The following KLHL42 variants were observed in gnomAD, a reference collection of about 807,000 sequenced individuals.
KLHL42 encodes the protein kelch-like protein 42.
KLHL42 carries 27 observed loss-of-function variants against 32.7 expected under a neutral mutation model. The ratio of observed to expected loss-of-function variants is 0.83; its 90% confidence interval spans 0.61 to 1.14. The LOEUF (loss-of-function observed/expected upper bound fraction) is 1.14. Among genes scored for constraint, KLHL42 ranks in the 50% most tolerant of loss-of-function variants. KLHL42 has a pLI of 0.00. For missense variants in KLHL42, 491 were observed against 560.8 expected (o/e 0.88, Z 1.26); for synonymous variants, 267 against 248.2 (o/e 1.08, Z -0.71).
intron 2 of KLHL42, among the ~76,000 whole-genome samples, chr12:27,793,986 T>C (rs7960190): frequency 0.15 from 23,113 of 152,220 alleles, 2,260 homozygotes; most frequent in Non-Finnish European, 0.22. Flanking sequence ...CCTTCCACCA[T>C]ATCCAAATGT....
chr12:27,793,390 A>G (rs1337260520), intron 2 of KLHL42, among the ~76,000 whole-genome samples: 2 of 151,786 alleles, frequency 1.3e-5, no homozygotes, highest in Non-Finnish European at 2.9e-5. Flanking sequence ...TGAAAATAAA[A>G]AAATTAGCTG....
chr12:27,785,439 C>A (rs532153588), intron 1 of KLHL42, among the ~76,000 whole-genome samples: 1 of 152,190 alleles, frequency 6.6e-6, no homozygotes, highest in Admixed American at 6.5e-5. Context: ...GAACTCCTGG[C>A]CTCAGGTAAT....
intron 1 of KLHL42, among the ~76,000 whole-genome samples, chr12:27,786,322 C>T (rs1022741110): frequency 6.6e-6 from 1 of 152,154 alleles, no homozygotes; most frequent in African/African-American, 2.4e-5. Flanking sequence ...TGCCTCAGCT[C>T]CACGACAGCC....
chr12:27,793,229 A>G (rs2062204877), intron 2 of KLHL42, among the ~76,000 whole-genome samples: 1 of 151,790 alleles, frequency 6.6e-6, no homozygotes, highest in Admixed American at 6.6e-5. Flanking sequence ...CAACATAGCA[A>G]GACACCTTCT....
Position 27,780,311 on chromosome 12 carries a change from C to T in KLHL42, c.-20C>T. On this transcript the variant is annotated 5_prime_UTR_variant, in exon 1 of 3. Coordinates refer to ENST00000381271, the MANE Select transcript of KLHL42 (RefSeq NM_020782.2). The surrounding 1 kb of genome is among the most constrained non-coding windows in gnomAD (Gnocchi z 8.8). ...CGCGCAGATCTGGCGGTGAGCGCTG[C>T]CGCCCCGGGGCCCCCAGCCATGTCG... is the stretch of plus-strand genomic sequence containing the variant. 1.9e-6 allele frequency: 3 copies of T among 1,541,952 alleles called. No homozygotes were observed. The highest frequency in any genetic ancestry group is 2.7e-5 in the East Asian group (1 of 37,664).
rs760444269 is a variant in KLHL42 at position 27,780,546 on chromosome 12, C to G, written c.216C>G (p.Gly72=). Residue 72 remains glycine, a synonymous_variant, in exon 1 of 3, where the codon GGC becomes GGG. Transcript: ENST00000381271. This position sits in a 1 kb window ranked among gnomAD's most constrained non-coding sequence, Gnocchi z 8.8. ...TGGTGCTGGACTTCATCAACGCCGG[C>G]GGGGCCCGCGAAGGCTGGCTCCTGG... ...LRLVLDFINA[G]GAREGWLLGP... The G allele has an allele frequency of 3.3e-6, 5 of 1,525,432 alleles. No individual in the cohort carries two copies. In the South Asian group the frequency reaches 5.2e-5, roughly 16 times the overall value. The allele number at this position is 1,525,432 out of a possible 1,614,324, so 94.5% of individuals were successfully genotyped here.
In KLHL42 at chr12:27,801,078, G is replaced by A. The variant is rs2062245332; in HGVS notation, c.*2912G>A. The A allele has an allele frequency of 6.6e-6, 1 of 152,570 alleles. No individual in the cohort carries two copies. The highest frequency in any genetic ancestry group is 2.4e-5 in the African/African-American group (1 of 41,438). The allele number at this position is 152,570 out of a possible 1,614,324, so 9.5% of individuals were successfully genotyped here. On this transcript the variant is annotated 3_prime_UTR_variant, in exon 3 of 3. Coordinates refer to ENST00000381271, the MANE Select transcript of KLHL42 (RefSeq NM_020782.2). ...GGTTTTCTGATGAATGTGTGAAAGA[G>A]TTGATTATTTCAACAGTATTGGTTA... is the stretch of plus-strand genomic sequence containing the variant.
chr12:27,796,039 C>T (rs1370902985), intron 2 of KLHL42, among the ~76,000 whole-genome samples: 1 of 152,148 alleles, frequency 6.6e-6, no homozygotes, highest in African/African-American at 2.4e-5. Flanking sequence ...CCAAAATCCC[C>T]TTGGGCCATC....
At chr12:27,793,898 G>T in intron 2 of KLHL42, among the ~76,000 whole-genome samples, 1 of 152,222 alleles carries the variant, frequency 6.6e-6, no homozygotes, top group East Asian at 1.9e-4. Flanking sequence ...GACCCTGTGA[G>T]GCCGCAGCAG....
intron 1 of KLHL42, among the ~76,000 whole-genome samples, chr12:27,783,914 A>G (rs2062159958): frequency 6.6e-6 from 1 of 152,114 alleles, no homozygotes; most frequent in South Asian, 2.1e-4. Context: ...GCTGCGTGGC[A>G]TTCCAGCCTA....
chr12:27,797,387 T>C, intron 2 of KLHL42: 1 of 499,260 alleles, frequency 2.0e-6, no homozygotes, highest in Non-Finnish European at 3.9e-6. Flanking sequence ...CTGAGGCACT[T>C]ACTTTTTTTA....
Position 27,794,339 on chromosome 12 carries a change from C to T in KLHL42, c.1066+2438C>T, listed in dbSNP as rs1016119449. On this transcript the variant is annotated intron_variant, in intron 2 of 2. Transcript: ENST00000381271. ...TGGTGGCTCCATGATGCCCCTGCCT[C>T]TGTCTTCATATGATGCCCCTGCCTC... is the stretch of plus-strand genomic sequence containing the variant. Among the ~76,000 whole-genome samples, 4 of 152,160 alleles carry T rather than the reference C, an allele frequency of 2.6e-5. No homozygotes were observed. The East Asian group carries it at 7.7e-4, about 29-fold the overall frequency.
At chr12:27,795,406 C>T (rs1172301344) in intron 2 of KLHL42, among the ~76,000 whole-genome samples, 3 of 152,214 alleles carry the variant, frequency 2.0e-5, no homozygotes, top group Non-Finnish European at 4.4e-5. Flanking sequence ...GGGCCACCCA[C>T]CGTGATTTCT....
At position 27,780,619 on chromosome 12, in the gene KLHL42, G is replaced by C; in HGVS notation, c.289G>C (p.Asp97His). The C allele has an allele frequency of 6.4e-7, 1 of 1,561,204 alleles. No homozygotes were observed. Among genetic ancestry groups the C allele is most frequent in the Non-Finnish European group, 8.7e-7 (1 of 1,153,332 alleles). ...CGGGGTGGACGAGGACGAGGAGATG[G>C]ATGAGGTGAGCCTGCTGTCCGAGCT... Reference protein sequence around the residue: ...GGGVDEDEEMDEVSLLSELVE... With the variant: ...GGGVDEDEEMHEVSLLSELVE... The change falls in exon 1 of 3, where the codon GAT becomes CAT. Residue 97 changes from aspartate to histidine, a missense_variant. Physicochemically the swap from Asp to His is moderately conservative, Grantham distance 81. This residue lies in a region of KLHL42 where 248 missense variants were observed against 329.2 expected (regional missense o/e 0.75). Transcript: ENST00000381271. This position sits in a 1 kb window ranked among gnomAD's most constrained non-coding sequence, Gnocchi z 8.8.
rs946598300 is a variant in KLHL42, at chr12:27,800,395, C to T, written c.*2229C>T. 133 of 983,820 alleles carry T rather than the reference C, an allele frequency of 1.4e-4. No homozygotes were observed. Among genetic ancestry groups the T allele is most frequent in the Non-Finnish European group, 1.5e-4 (125 of 829,240 alleles). 60.9% of individuals were successfully genotyped at this position (983,820 alleles called of 1,614,324 possible). A position where few individuals can be genotyped will look rare whatever the true frequency, so the allele number is the denominator to read the frequency against. Reference sequence around the variant, plus strand: ...GTGTATGTTTGCATATTATAGCTCTCTTTAAGACAGACATCTAAAAAGATT... The same window carrying T: ...GTGTATGTTTGCATATTATAGCTCTTTTTAAGACAGACATCTAAAAAGATT... On this transcript the variant is annotated 3_prime_UTR_variant, in exon 3 of 3. Coordinates refer to ENST00000381271, the MANE Select transcript of KLHL42 (RefSeq NM_020782.2).
Position 27,780,476 on chromosome 12 carries a change from C to G in KLHL42, c.146C>G (p.Pro49Arg), listed in dbSNP as rs777908032. ...GCCCTGAGCCAGGAGGCCGGCGGCC[C>G]GGAGGTGCAGCAGCTGCGCGGCCTC... The part of the protein sequence containing the change: ...REALSQEAGG[P>R]EVQQLRGLSA... The change falls in exon 1 of 3, where the codon CCG (proline) becomes CGG (arginine). Residue 49 changes from proline (P) to arginine (R), a missense_variant. Coordinates refer to ENST00000381271, the MANE Select transcript of KLHL42 (RefSeq NM_020782.2). The surrounding 1 kb of genome is among the most constrained non-coding windows in gnomAD (Gnocchi z 8.8). 2.6e-6 allele frequency: 4 copies of G among 1,545,024 alleles called. No homozygotes were observed. Among genetic ancestry groups the G allele is most frequent in the African/African-American group, 1.4e-5 (1 of 71,746 alleles).
At position 27,780,241 on chromosome 12, in the gene KLHL42, G is replaced by A; in HGVS notation, c.-90G>A. Reference sequence around the variant, plus strand: ...GCTCCTCCCGGGCCGCCATCCCTCGGCGCCCCGCCCGGAACCGGCGCGCGC... The same window carrying A: ...GCTCCTCCCGGGCCGCCATCCCTCGACGCCCCGCCCGGAACCGGCGCGCGC... On this transcript the variant is annotated 5_prime_UTR_variant, in exon 1 of 3. Transcript: ENST00000381271. This position sits in a 1 kb window ranked among gnomAD's most constrained non-coding sequence, Gnocchi z 8.8. 2 of 1,267,260 alleles carry A rather than the reference G, an allele frequency of 1.6e-6. No individual in the cohort carries two copies. The highest frequency in any genetic ancestry group is 2.0e-6 in the Non-Finnish European group (2 of 987,192). 78.5% of individuals were successfully genotyped at this position (1,267,260 alleles called of 1,614,324 possible). A position where few individuals can be genotyped will look rare whatever the true frequency, so the allele number is the denominator to read the frequency against.
intron 2 of KLHL42, 108 bp from the exon 3 acceptor site, chr12:27,797,607 T>G (rs1169997692): frequency 1.5e-6 from 1 of 653,794 alleles, no homozygotes; most frequent in Admixed American, 2.4e-5. Flanking sequence ...CTGAAAGAGT[T>G]TTTTCTCTTT....
At chr12:27,796,648 G>C (rs79737007) in intron 2 of KLHL42, among the ~76,000 whole-genome samples, 1 of 149,484 alleles carries the variant, frequency 6.7e-6, no homozygotes, top group Non-Finnish European at 1.5e-5. Flanking sequence ...TTTTTTTTTT[G>C]AGAGAACAGG....
Sources: allele counts gnomAD v4.1 joint callset (sites outside exome capture counted in the v4.1 genomes callset), GRCh38; gene constraint gnomAD v4.1.1; regional missense constraint gnomAD v4.1.1; non-coding constraint Gnocchi (gnomAD v3.1); transcripts MANE v1.5; gene names NCBI Gene and HGNC (gene_info 2026-07-23, HGNC 2026-07-21).